SYK: variants seen among roughly 807,000 people sequenced by gnomAD.
SYK encodes the protein spleen associated tyrosine kinase.
A neutral mutation model predicts 77.8 loss-of-function variants in SYK; 16 were observed. The ratio of observed to expected loss-of-function variants is 0.21; its 90% CI spans 0.14 to 0.31. The LOEUF (loss-of-function observed/expected upper bound fraction) is 0.31, where lower values mean the gene tolerates loss of function less well. SYK is among the 10% of genes least tolerant of loss of function. The probability of loss-of-function intolerance (pLI) is 1.00; values close to 1 mark genes in which losing one functional copy is unlikely to be tolerated. For synonymous variants in SYK, 312 were observed against 308.7 expected, an observed-to-expected ratio of 1.01 and a Z score of -0.11; for missense variants, 529 against 814.4, an observed-to-expected ratio of 0.65 and a Z score of 4.26.
At chr9:90,884,641 A>G (rs1440359026) in intron 11 of SYK, among the ~76,000 whole-genome samples, 1 of 52,118 alleles carries the variant, frequency 1.9e-5, no homozygotes, top group Non-Finnish European at 3.5e-5. Context: ...ACATGTACAT[A>G]TATACACATA....
At chr9:90,826,137 A>G (rs1197376089) in intron 1 of SYK, among the ~76,000 whole-genome samples, 1 of 152,206 alleles carries the variant, frequency 6.6e-6, no homozygotes, top group South Asian at 2.1e-4. Context: ...TTACATTTGG[A>G]TGGGTTGACT....
intron 1 of SYK, among the ~76,000 whole-genome samples, chr9:90,836,449 CGAG>C (rs1200720888): frequency 2.0e-5 from 3 of 151,892 alleles, no homozygotes; most frequent in Non-Finnish European, 2.9e-5. Context: ...CATTCACAGT[CGAG>C]GAAAATGTAA....
intron 3 of SYK, among the ~76,000 whole-genome samples, chr9:90,859,412 T>C (rs1014018250): frequency 2.6e-5 from 4 of 152,258 alleles, no homozygotes; most frequent in African/African-American, 9.6e-5. Flanking sequence ...GTGAGTTTTA[T>C]GTTTGTGAGA....
Position 90,884,826 on chromosome 9 carries a change from T to TATGTGTGTATATACATATACACAC in SYK, c.1582-2920_1582-2897dup, listed in dbSNP as rs1828456954. On this transcript the variant is annotated intron_variant, in intron 11 of 13. Transcript: ENST00000375754. ...ATATGTGTACATACACATATACACATATGTGTGTATATACATATACACACA... is the reference window on the plus strand; with the variant it reads ...ATATGTGTACATACACATATACACATATGTGTGTATATACATATACACACATGTGTGTATATACATATACACACA... 2.4e-5 allele frequency among the ~76,000 whole-genome samples: 2 copies of TATGTGTGTATATACATATACACAC among 84,878 alleles called. 1 individual carries two copies. The highest frequency in any genetic ancestry group is 8.0e-4 in the South Asian group (2 of 2,498). 55.7% of individuals were successfully genotyped at this position (84,878 alleles called of 152,430 possible).
intron 1 of SYK, among the ~76,000 whole-genome samples, chr9:90,819,962 C>T (rs1825447193): frequency 6.6e-6 from 1 of 152,178 alleles, no homozygotes; most frequent in African/African-American, 2.4e-5. Context: ...CCCATTCCAA[C>T]TGGGAGAAAT....
At chr9:90,817,689 G>T (rs1825336668) in intron 1 of SYK, among the ~76,000 whole-genome samples, 1 of 152,098 alleles carries the variant, frequency 6.6e-6, no homozygotes, top group South Asian at 2.1e-4. Flanking sequence ...TCTCATGAAA[G>T]TCCTTTGCCA....
chr9:90,897,744 T>C lies in SYK; in HGVS notation c.*2144T>C. 2 of 223,542 alleles carry C rather than the reference T, an allele frequency of 8.9e-6. No homozygotes were observed. Among genetic ancestry groups the C allele is most frequent in the South Asian group, 1.8e-4 (1 of 5,434 alleles). 13.8% of individuals were successfully genotyped at this position (223,542 alleles called of 1,614,324 possible). ...CAGGGGCCTCACCTCCCTGCAGAGG[T>C]CCGGCCAGGTCTCCTTGTCCCTGGA... On this transcript the variant is annotated 3_prime_UTR_variant, in exon 14 of 14. Transcript: ENST00000375754.
intron 4 of SYK, among the ~76,000 whole-genome samples, chr9:90,863,178 C>T (rs1451342882): frequency 2.0e-5 from 3 of 152,164 alleles, no homozygotes; most frequent in Admixed American, 6.5e-5. Flanking sequence ...AGGAAATAAC[C>T]GTAACAGTAC....
Position 90,877,551 on chromosome 9 carries a change from T to C in SYK, c.1182-20T>C, listed in dbSNP as rs766712463. 7.4e-6 allele frequency: 12 copies of C among 1,613,688 alleles called. No individual in the cohort carries two copies. In the South Asian group the frequency reaches 1.3e-4, roughly 18 times the overall value. On this transcript the variant is annotated intron_variant, in intron 9 of 13. Transcript: ENST00000375754. ...GAGGCATTTTGGAAAGTTTCTTGTG[T>C]GTTATGATTTCTCTTGCAGAGTTGT... is the stretch of plus-strand genomic sequence containing the variant.
intron 3 of SYK, among the ~76,000 whole-genome samples, chr9:90,854,618 C>T (rs290962): frequency 0.11 from 16,266 of 152,040 alleles, 1,111 homozygotes; most frequent in African/African-American, 0.19. Context: ...CCAGGAAGCC[C>T]TTGTTCCAAG....
chr9:90,803,718 C>T (rs1429068118), intron 1 of SYK, among the ~76,000 whole-genome samples: 1 of 151,672 alleles, frequency 6.6e-6, no homozygotes, highest in Non-Finnish European at 1.5e-5. Flanking sequence ...TGTGCCAAGA[C>T]GTATTTTGGA....
intron 1 of SYK, among the ~76,000 whole-genome samples, chr9:90,810,615 G>A (rs1410220539): frequency 2.6e-5 from 4 of 152,192 alleles, no homozygotes; most frequent in African/African-American, 9.7e-5. Context: ...GAGATGGACA[G>A]ATGTCTAAGG....
At chr9:90,891,142 C>CTTTTT (rs750370621) in intron 13 of SYK, among the ~76,000 whole-genome samples, 24 of 119,092 alleles carry the variant, frequency 2.0e-4, no homozygotes, top group East Asian at 6.1e-4. Flanking sequence ...ATGTTGCCTG[C>CTTTTT]TTTTTTTTTT....
chr9:90,835,235 TTGAG>T, intron 1 of SYK, among the ~76,000 whole-genome samples: 1 of 152,108 alleles, frequency 6.6e-6, no homozygotes, highest in East Asian at 1.9e-4. Flanking sequence ...AATTTGTAAA[TTGAG>T]TGTGGGGGAT....
chr9:90,877,550 G>A (rs1310983461), intron 9 of SYK, 21 bp from the exon 10 acceptor site: 1 of 1,613,620 alleles, frequency 6.2e-7, no homozygotes, highest in East Asian at 2.2e-5. Flanking sequence ...AGTTTCTTGT[G>A]TGTTATGATT....
chr9:90,830,566 G>C (rs1048586076), intron 1 of SYK, among the ~76,000 whole-genome samples: 2 of 150,362 alleles, frequency 1.3e-5, no homozygotes, highest in African/African-American at 4.9e-5. Context: ...TCTCCCTCTG[G>C]TTGGACTCAT....
intron 3 of SYK, among the ~76,000 whole-genome samples, chr9:90,860,956 G>A (rs10993728): frequency 0.19 from 29,364 of 151,978 alleles, 3,255 homozygotes; most frequent in Admixed American, 0.3. Flanking sequence ...TGGGCACGTG[G>A]CTTAACAATT....
Position 90,855,547 on chromosome 9 carries a change from T to TA in SYK, c.579-6652dup, listed in dbSNP as rs567740093. On this transcript the variant is annotated intron_variant, in intron 3 of 13. Coordinates refer to ENST00000375754, the MANE Select transcript of SYK (RefSeq NM_003177.7). ...CTGTATCTTCTAGTCCTTAGCTGCA[T>TA]AAAAAAATGGGGTGCAAAACTTCTC... is the stretch of plus-strand genomic sequence containing the variant. Among the ~76,000 whole-genome samples the TA allele has an allele frequency of 1.3e-3, 193 of 152,182 alleles. 5 individuals are homozygous for TA. In the East Asian group the frequency reaches 0.034, roughly 27 times the overall value.
chr9:90,844,262 G>T lies in SYK; in HGVS notation c.364G>T (p.Asp122Tyr), dbSNP rs962420195. 1 of 1,613,642 alleles carries T rather than the reference G, an allele frequency of 6.2e-7. No homozygotes were observed. Among genetic ancestry groups the T allele is most frequent in the Non-Finnish European group, 8.5e-7 (1 of 1,179,858 alleles). The change falls in exon 2 of 14, where the codon GAT becomes TAT. Residue 122 changes from aspartate to tyrosine, a missense_variant. Asp to Tyr is a radical substitution (Grantham distance 160). Transcript: ENST00000375754. ...GCAGCCCAAGACTGGGCCCTTTGAG[G>T]ATTTGAAGGAAAACCTCATCAGGGA... is the stretch of plus-strand genomic sequence containing the variant. ...GVQPKTGPFE[D>Y]LKENLIREYV...
Sources: gnomAD v4.1 joint callset for allele counts (sites outside exome capture counted in the v4.1 genomes callset) on GRCh38, gnomAD v4.1.1 for gene constraint, MANE v1.5 for transcripts, NCBI Gene and HGNC (gene_info 2026-07-23, HGNC 2026-07-21) for gene names.